The following FHIT variants were observed in gnomAD, a reference collection of about 807,000 sequenced individuals.
FHIT encodes the protein bis(5'-adenosyl)-triphosphatase.
In FHIT, 19 loss-of-function variants were observed where a neutral mutation model predicts 17.9. That is an observed-to-expected ratio of 1.06 (90% CI 0.74 to 1.56). The LOEUF (loss-of-function observed/expected upper bound fraction) is 1.56. Ranked by LOEUF, FHIT falls within the 40% of genes most tolerant of loss-of-function variation. FHIT has a pLI of 0.00. For missense variants in FHIT, 248 were observed against 189.2 expected (o/e 1.31, Z -1.82); for synonymous variants, 81 against 69.7 (o/e 1.16, Z -0.81).
intron 4 of FHIT, among the ~76,000 whole-genome samples, chr3:60,801,736 G>A (rs377638262): frequency 1.3e-5 from 2 of 152,134 alleles, no homozygotes; most frequent in African/African-American, 4.8e-5. Context: ...TCATTCTTTG[G>A]TGATGATTAT....
intron 4 of FHIT, among the ~76,000 whole-genome samples, chr3:60,769,055 C>A (rs1452932282): frequency 6.6e-6 from 1 of 152,132 alleles, no homozygotes; most frequent in East Asian, 1.9e-4. Context: ...TCCCACAGAA[C>A]CTTCTTGACT....
chr3:59,837,346 C>T (rs988778302), intron 8 of FHIT, among the ~76,000 whole-genome samples: 1 of 152,126 alleles, frequency 6.6e-6, no homozygotes, highest in Admixed American at 6.5e-5. Context: ...ACATATCGTT[C>T]AAATCATTTC....
intron 3 of FHIT, among the ~76,000 whole-genome samples, chr3:60,967,501 G>C (rs1256761662): frequency 6.6e-6 from 1 of 152,120 alleles, no homozygotes; most frequent in Non-Finnish European, 1.5e-5. Flanking sequence ...AAATAATATA[G>C]AAAAGTATAT....
intron 8 of FHIT, among the ~76,000 whole-genome samples, chr3:59,804,633 A>G (rs1442595867): frequency 1.3e-5 from 2 of 152,192 alleles, no homozygotes; most frequent in African/African-American, 4.8e-5. Context: ...GTAAATGAAG[A>G]GGATGAAGTA....
intron 2 of FHIT, among the ~76,000 whole-genome samples, chr3:61,056,894 A>T (rs2034243043): frequency 6.6e-6 from 1 of 152,234 alleles, no homozygotes; most frequent in South Asian, 2.1e-4. Context: ...TTGTGGTGGT[A>T]TCAGGTATTG....
chr3:60,176,432 G>A lies in FHIT; in HGVS notation c.104-162280C>T, dbSNP rs192010832. On this transcript the variant is annotated intron_variant, in intron 5 of 9. Transcript: ENST00000492590. Reference sequence around the variant, plus strand: ...ACTCTATCAGATATTAATTAGTAAAGAATATAGAAATACTCTCTAGCATAG... The same window carrying A: ...ACTCTATCAGATATTAATTAGTAAAAAATATAGAAATACTCTCTAGCATAG... Among the ~76,000 whole-genome samples, 4 of 152,290 alleles carry A rather than the reference G, an allele frequency of 2.6e-5. No homozygotes were observed. In the East Asian group the frequency reaches 7.7e-4, roughly 29 times the overall value.
chr3:60,731,007 C>T (rs1338929476), intron 4 of FHIT, among the ~76,000 whole-genome samples: 3 of 151,304 alleles, frequency 2.0e-5, no homozygotes, highest in Non-Finnish European at 4.4e-5. Flanking sequence ...GGCACGCGCC[C>T]GTAATCCCAG....
chr3:60,196,708 T>C (rs916435330), intron 5 of FHIT, among the ~76,000 whole-genome samples: 2 of 151,950 alleles, frequency 1.3e-5, no homozygotes, highest in African/African-American at 4.8e-5. Flanking sequence ...TAAACATATA[T>C]ACAGACATAC....
intron 4 of FHIT, among the ~76,000 whole-genome samples, chr3:60,812,173 C>A (rs1301034348): frequency 7.1e-6 from 1 of 140,838 alleles, no homozygotes; most frequent in Non-Finnish European, 1.6e-5. Flanking sequence ...GAAATACAGA[C>A]TCTTTTTTTT....
intron 5 of FHIT, among the ~76,000 whole-genome samples, chr3:60,244,199 T>A (rs940329889): frequency 2.0e-5 from 3 of 152,048 alleles, no homozygotes; most frequent in Middle Eastern, 3.2e-3. Context: ...CATTCTAATG[T>A]TCAATACTTC....
At chr3:60,161,692 A>C (rs1213415268) in intron 5 of FHIT, among the ~76,000 whole-genome samples, 1 of 152,124 alleles carries the variant, frequency 6.6e-6, no homozygotes, top group Non-Finnish European at 1.5e-5. Flanking sequence ...GGGAAAAAAA[A>C]ACCCAGAACC....
intron 4 of FHIT, among the ~76,000 whole-genome samples, chr3:60,741,947 A>AT (rs2042250146): frequency 6.6e-6 from 1 of 152,182 alleles, no homozygotes; most frequent in African/African-American, 2.4e-5. Context: ...CTCCCCTCCA[A>AT]TTAAGACAGC....
chr3:61,150,480 A>G (rs2037355102), intron 2 of FHIT, among the ~76,000 whole-genome samples: 1 of 151,986 alleles, frequency 6.6e-6, no homozygotes, highest in Admixed American at 6.6e-5. Context: ...CATTTAACTC[A>G]TATTTTCTGA....
At chr3:60,945,421 C>T (rs1708595221) in intron 3 of FHIT, among the ~76,000 whole-genome samples, 1 of 151,108 alleles carries the variant, frequency 6.6e-6, no homozygotes, top group African/African-American at 2.4e-5. Context: ...TTGATAGAGT[C>T]TCGCTCTGTC....
intron 4 of FHIT, among the ~76,000 whole-genome samples, chr3:60,554,584 A>G (rs1283426494): frequency 2.0e-5 from 3 of 152,226 alleles, no homozygotes. Flanking sequence ...AGGAGCTTCC[A>G]AAGGGGTTCC....
chr3:59,871,339 G>T (rs1008441612), intron 8 of FHIT, among the ~76,000 whole-genome samples: 4 of 152,080 alleles, frequency 2.6e-5, no homozygotes, highest in African/African-American at 9.7e-5. Context: ...TTTGCTGTGT[G>T]CGCTATTAAT....
chr3:59,768,440 C>T (rs143107779), intron 8 of FHIT, among the ~76,000 whole-genome samples: 4 of 152,260 alleles, frequency 2.6e-5, no homozygotes, highest in East Asian at 3.9e-4. Flanking sequence ...TACTGTTCTC[C>T]CTGCATGGAT....
chr3:60,693,229 G>C (rs576731029), intron 4 of FHIT, among the ~76,000 whole-genome samples: 2 of 152,252 alleles, frequency 1.3e-5, no homozygotes, highest in Non-Finnish European at 2.9e-5. Context: ...ATCCACCTAA[G>C]TCACTCCCTC....
chr3:60,389,109 C>T (rs770238168), intron 5 of FHIT, among the ~76,000 whole-genome samples: 3 of 152,130 alleles, frequency 2.0e-5, no homozygotes, highest in Non-Finnish European at 2.9e-5. Context: ...ATTTGCATTC[C>T]CTGATTGGTT....
Sources: gnomAD v4.1 joint callset for allele counts (sites outside exome capture counted in the v4.1 genomes callset) on GRCh38, gnomAD v4.1.1 for gene constraint, MANE v1.5 for transcripts, NCBI Gene and HGNC (gene_info 2026-07-23, HGNC 2026-07-21) for gene names.